GDPD1: variants seen among roughly 807,000 people sequenced by gnomAD.
The protein encoded by GDPD1 is lysophospholipase D GDPD1.
Under a neutral mutation model 45.1 loss-of-function variants are expected in GDPD1, and 28 were observed. The observed-to-expected ratio is 0.62, with a 90% CI of 0.46 to 0.85. GDPD1 has a LOEUF of 0.85. Ranked by LOEUF, GDPD1 falls within the 40% of genes least tolerant of loss-of-function variation. GDPD1 has a pLI of 0.00. For synonymous variants in GDPD1, 139 were observed against 131.4 expected (o/e 1.06, Z -0.40); for missense variants, 256 against 364.8 (o/e 0.70, Z 2.43).
intron 4 of GDPD1, among the ~76,000 whole-genome samples, chr17:59,252,843 T>C (rs1016640221): frequency 2.0e-5 from 3 of 151,796 alleles, no homozygotes; most frequent in African/African-American, 7.3e-5. Flanking sequence ...CTACTAAAAA[T>C]ACAAGAACTA....
At chr17:59,245,886 C>T (rs940187404) in intron 3 of GDPD1, among the ~76,000 whole-genome samples, 2 of 151,892 alleles carry the variant, frequency 1.3e-5, no homozygotes. Context: ...TTTGGGAGGC[C>T]GAGGCGGGTG....
At position 59,273,811 on chromosome 17, in the gene GDPD1, A is replaced by G; in HGVS notation, c.*38A>G. 1.3e-6 allele frequency: 2 copies of G among 1,513,240 alleles called. No individual in the cohort carries two copies. The highest frequency in any genetic ancestry group is 1.3e-5 in the South Asian group (1 of 74,892). The allele number at this position is 1,513,240 out of a possible 1,614,324, so 93.7% of individuals were successfully genotyped here. ...TTAGAAGTATTGAAGGAAAAAATGA[A>G]GACCTAAGAAAAAAATATTTCATGA... On this transcript the variant is annotated 3_prime_UTR_variant, in exon 10 of 10. Transcript: ENST00000284116.
rs376100381 is a variant in GDPD1, at chr17:59,248,805, G to A, written c.367+20G>A. ...AAAGAGGTAATATTTTTTGTTTGTGGCTTAAACATTTGTGTTGAGAAGCAT... is the reference window on the plus strand; with the variant it reads ...AAAGAGGTAATATTTTTTGTTTGTGACTTAAACATTTGTGTTGAGAAGCAT... On this transcript the variant is annotated intron_variant, in intron 4 of 9. Transcript: ENST00000284116. 8 of 1,574,104 alleles carry A rather than the reference G, an allele frequency of 5.1e-6. No homozygotes were observed. In the African/African-American group the frequency reaches 6.8e-5, roughly 13 times the overall value.
chr17:59,234,346 G>A (rs558061587), intron 1 of GDPD1, 146 bp from the exon 2 acceptor site: 2 of 579,866 alleles, frequency 3.4e-6, no homozygotes, highest in Non-Finnish European at 3.1e-6. Flanking sequence ...GCAAGACTCC[G>A]TCTCAAAAAA....
chr17:59,229,755 C>T (rs1330860113), intron 1 of GDPD1, among the ~76,000 whole-genome samples: 6 of 152,266 alleles, frequency 3.9e-5, no homozygotes, highest in Admixed American at 3.3e-4. Flanking sequence ...AAACAACACA[C>T]GGCTTATTCA....
rs56936442 is a variant in GDPD1, at chr17:59,260,060, CAAAAAAAAAAAAAAAAAA to C, written c.576+2243_576+2260del. 6.3e-3 allele frequency among the ~76,000 whole-genome samples: 164 copies of C among 25,842 alleles called. 2 individuals carry two copies. The South Asian group carries it at 0.17, about 26-fold the overall frequency. 17.0% of individuals were successfully genotyped at this position (25,842 alleles called of 152,430 possible). ...TGGGTGACGGAGCCAGACCCTGTCT[CAAAAAAAAAAAAAAAAAA>C]AAAAAAAAAAAAAAAAAAAAAATCC... On this transcript the variant is annotated intron_variant, in intron 6 of 9. Transcript: ENST00000284116.
intron 7 of GDPD1, among the ~76,000 whole-genome samples, chr17:59,270,389 G>GGA (rs1555725640): frequency 1.3e-5 from 2 of 151,518 alleles, no homozygotes; most frequent in African/African-American, 4.9e-5. Context: ...AGACGGGGGG[G>GGA]GGTTTCACTA....
At chr17:59,266,051 G>C (rs138539303) in intron 6 of GDPD1, among the ~76,000 whole-genome samples, 2 of 151,224 alleles carry the variant, frequency 1.3e-5, no homozygotes, top group African/African-American at 2.4e-5. Context: ...GCTGGGTGGC[G>C]GGGGGTGGGG....
At chr17:59,258,550 A>G (rs907912557) in intron 6 of GDPD1, among the ~76,000 whole-genome samples, 3 of 152,048 alleles carry the variant, frequency 2.0e-5, no homozygotes, top group Non-Finnish European at 1.5e-5. Flanking sequence ...CTCAAAAAAA[A>G]CAAACAAACA....
intron 2 of GDPD1, 83 bp from the exon 3 acceptor site, chr17:59,245,331 G>T: frequency 9.4e-7 from 1 of 1,064,878 alleles, no homozygotes; most frequent in Non-Finnish European, 1.4e-6. Flanking sequence ...TTTTGGATTT[G>T]TAACTCTGAA....
chr17:59,269,688 T>C (rs1297531646), intron 7 of GDPD1, among the ~76,000 whole-genome samples: 2 of 152,016 alleles, frequency 1.3e-5, no homozygotes, highest in Admixed American at 6.6e-5. Context: ...CTGGGCATGG[T>C]GGCGCACATC....
chr17:59,222,611 T>C (rs2047015222), intron 1 of GDPD1, among the ~76,000 whole-genome samples: 1 of 147,768 alleles, frequency 6.8e-6, no homozygotes, highest in Non-Finnish European at 1.5e-5. Context: ...GCCTCCTGTG[T>C]TCAAGCGATT....
intron 1 of GDPD1, among the ~76,000 whole-genome samples, chr17:59,223,370 T>A (rs2047020926): frequency 6.6e-6 from 1 of 152,222 alleles, no homozygotes; most frequent in Admixed American, 6.6e-5. Context: ...CAGTGCTTCA[T>A]ATGCTTTTGT....
chr17:59,253,716 A>G (rs1260512692), intron 4 of GDPD1, among the ~76,000 whole-genome samples: 1 of 152,128 alleles, frequency 6.6e-6, no homozygotes, highest in Non-Finnish European at 1.5e-5. Context: ...ACCGTGACAA[A>G]AAGGCAGTCT....
At chr17:59,228,869 G>T (rs2047067129) in intron 1 of GDPD1, among the ~76,000 whole-genome samples, 2 of 150,572 alleles carry the variant, frequency 1.3e-5, no homozygotes, top group Non-Finnish European at 1.5e-5. Flanking sequence ...AACAGAGTGA[G>T]ACCCTGTCTC....
rs114846056 is a variant in GDPD1 at position 59,243,567 on chromosome 17, T to G, written c.186-1847T>G. Among the ~76,000 whole-genome samples, 807 of 152,218 alleles carry G rather than the reference T, an allele frequency of 5.3e-3. 9 individuals carry two copies. The highest frequency in any genetic ancestry group is 0.019 in the African/African-American group (788 of 41,530). The stretch of plus-strand genomic sequence containing the variant: ...GCAGTTCTCCCTCTGGGTTGCAGTT[T>G]TATCCTGGACCAACAGTTCAGTCTT... On this transcript the variant is annotated intron_variant, in intron 2 of 9. Coordinates refer to ENST00000284116, the MANE Select transcript of GDPD1 (RefSeq NM_182569.4).
chr17:59,227,546 A>T (rs1167004779), intron 1 of GDPD1, among the ~76,000 whole-genome samples: 1 of 152,164 alleles, frequency 6.6e-6, no homozygotes, highest in Non-Finnish European at 1.5e-5. Context: ...GTCCTTTTTT[A>T]AAAATTACAA....
rs1485364546 is a variant in GDPD1 at position 59,234,620 on chromosome 17, G to T, written c.185+86G>T. ...AAGTGATGATGATCCACAAAGTGAG[G>T]ATAGTGTAAGTGTAGCATCAGTTTG... On this transcript the variant is annotated intron_variant, in intron 2 of 9. Transcript: ENST00000284116. The T allele has an allele frequency of 5.7e-6, 5 of 878,894 alleles. No individual in the cohort carries two copies. In the East Asian group the frequency reaches 1.2e-4, roughly 21 times the overall value. 54.4% of individuals were successfully genotyped at this position (878,894 alleles called of 1,614,324 possible).
At chr17:59,227,879 G>A (rs751719595) in intron 1 of GDPD1, among the ~76,000 whole-genome samples, 17 of 152,080 alleles carry the variant, frequency 1.1e-4, no homozygotes, top group Non-Finnish European at 1.9e-4. Context: ...TATCATTTTA[G>A]AATTGAATGG....
Sources: allele counts gnomAD v4.1 joint callset (sites outside exome capture counted in the v4.1 genomes callset), GRCh38; gene constraint gnomAD v4.1.1; transcripts MANE v1.5; gene names NCBI Gene and HGNC (gene_info 2026-07-23, HGNC 2026-07-21).